RTN1: variants seen among roughly 807,000 people sequenced by gnomAD.
The protein encoded by RTN1 is reticulon-1.
RTN1 carries 25 observed loss-of-function variants against 65.5 expected under a neutral mutation model. The observed-to-expected ratio is 0.38, with a 90% CI of 0.28 to 0.53. RTN1 has a LOEUF of 0.53. RTN1 is among the 20% of genes least tolerant of loss of function. RTN1 has a pLI of 0.79. For missense variants in RTN1, 983 were observed against 1,025.4 expected (o/e 0.96, Z 0.57); for synonymous variants, 471 against 447.6 (o/e 1.05, Z -0.66).
intron 1 of RTN1, among the ~76,000 whole-genome samples, chr14:59,798,280 A>T (rs1294740971): frequency 6.6e-6 from 1 of 152,186 alleles, no homozygotes; most frequent in Admixed American, 6.5e-5. Flanking sequence ...CTCACCACTG[A>T]CTAATTGCAT....
At chr14:59,776,229 A>G (rs574052149) in intron 1 of RTN1, among the ~76,000 whole-genome samples, 1 of 152,118 alleles carries the variant, frequency 6.6e-6, no homozygotes, top group Non-Finnish European at 1.5e-5. Context: ...TGAAGTCCCA[A>G]TGCATCAATG....
At chr14:59,750,701 A>T (rs1464954867) in intron 1 of RTN1, among the ~76,000 whole-genome samples, 1 of 61,120 alleles carries the variant, frequency 1.6e-5, no homozygotes, top group African/African-American at 5.7e-5. Context: ...TATATATATT[A>T]TATCTATATG....
intron 3 of RTN1, among the ~76,000 whole-genome samples, chr14:59,698,649 C>T (rs1475702944): frequency 6.6e-6 from 1 of 152,162 alleles, no homozygotes; most frequent in Non-Finnish European, 1.5e-5. Context: ...CTCTTCCTTG[C>T]ATTCTGCCAT....
chr14:59,686,314 A>C (rs887767393), intron 3 of RTN1, among the ~76,000 whole-genome samples: 1 of 152,228 alleles, frequency 6.6e-6, no homozygotes, highest in African/African-American at 2.4e-5. Context: ...CAAAAACAAA[A>C]AAATGAAATG....
At chr14:59,693,446 C>G (rs180956655) in intron 3 of RTN1, among the ~76,000 whole-genome samples, 1 of 151,956 alleles carries the variant, frequency 6.6e-6, no homozygotes, top group Non-Finnish European at 1.5e-5. Flanking sequence ...TTTTGGTGCA[C>G]CCATCACCCA....
chr14:59,863,447 T>C (rs1887744967), intron 1 of RTN1, among the ~76,000 whole-genome samples: 2 of 152,204 alleles, frequency 1.3e-5, no homozygotes, highest in Admixed American at 1.3e-4. Flanking sequence ...CAAGCAGCAT[T>C]TGACGGAATC....
Position 59,636,238 on chromosome 14 carries a change from T to C in RTN1, c.1766-28746A>G, listed in dbSNP as rs74057879. 1.4e-3 allele frequency among the ~76,000 whole-genome samples: 207 copies of C among 152,302 alleles called. 1 individual carries two copies. Among genetic ancestry groups the C allele is most frequent in the African/African-American group, 4.4e-3 (182 of 41,568 alleles). On this transcript the variant is annotated intron_variant, in intron 3 of 8. Coordinates refer to ENST00000267484, the MANE Select transcript of RTN1 (RefSeq NM_021136.3). ...GGAGGTGGGGCCTGGTGGGAGGTGA[T>C]TGGATCATGGAGGTGGATCCCTCAT... is the stretch of plus-strand genomic sequence containing the variant.
At chr14:59,608,926 T>G (rs10136884) in intron 3 of RTN1, among the ~76,000 whole-genome samples, 34,034 of 151,914 alleles carry the variant, frequency 0.22, 4,667 homozygotes, top group African/African-American at 0.39. Flanking sequence ...AAAAAAAAAG[T>G]ACTGTGCTCT....
chr14:59,733,089 T>TTTC (rs1884934448), intron 2 of RTN1, among the ~76,000 whole-genome samples: 5 of 150,786 alleles, frequency 3.3e-5, no homozygotes, highest in Admixed American at 3.3e-4. Flanking sequence ...CTTTTTTTTT[T>TTTC]TTTCTTTCTT....
chr14:59,674,730 A>G (rs1290618992), intron 3 of RTN1, among the ~76,000 whole-genome samples: 1 of 152,190 alleles, frequency 6.6e-6, no homozygotes, highest in Non-Finnish European at 1.5e-5. Flanking sequence ...GAAAGAAAAA[A>G]CCTGGACATT....
chr14:59,657,864 C>A (rs7143836), intron 3 of RTN1, among the ~76,000 whole-genome samples: 3 of 151,962 alleles, frequency 2.0e-5, no homozygotes, highest in South Asian at 4.1e-4. Context: ...TTTTCATACC[C>A]CAGTGGCACA....
intron 1 of RTN1, among the ~76,000 whole-genome samples, chr14:59,763,125 T>G (rs760582391): frequency 9.2e-5 from 14 of 152,326 alleles, no homozygotes; most frequent in Middle Eastern, 3.4e-3. Context: ...CACTTTGATT[T>G]AACTAACTCT....
intron 3 of RTN1, among the ~76,000 whole-genome samples, chr14:59,628,983 C>T (rs1323133951): frequency 6.6e-6 from 1 of 152,126 alleles, no homozygotes; most frequent in Non-Finnish European, 1.5e-5. Context: ...TTATACCAAG[C>T]CATAGTTGTT....
At chr14:59,646,826 A>T (rs1239162835) in intron 3 of RTN1, 1 of 152,308 alleles carries the variant, frequency 6.6e-6, no homozygotes, top group Admixed American at 6.6e-5. Context: ...CCAGCCAATT[A>T]AAAAAAAACA....
chr14:59,844,456 C>T (rs1319526484), intron 1 of RTN1, among the ~76,000 whole-genome samples: 1 of 152,178 alleles, frequency 6.6e-6, no homozygotes, highest in African/African-American at 2.4e-5. Context: ...TACATGTAAG[C>T]CAACACAGAA....
chr14:59,861,977 G>A (rs1189794276), intron 1 of RTN1, among the ~76,000 whole-genome samples: 1 of 152,048 alleles, frequency 6.6e-6, no homozygotes, highest in South Asian at 2.1e-4. Context: ...GAATCTAGGG[G>A]AGCTATTACC....
At chr14:59,645,487 C>G (rs545054534) in intron 3 of RTN1, among the ~76,000 whole-genome samples, 1 of 152,186 alleles carries the variant, frequency 6.6e-6, no homozygotes, top group African/African-American at 2.4e-5. Flanking sequence ...TATCTCCTCA[C>G]TGGGCAGGTT....
chr14:59,707,457 A>C (rs1000720653), intron 3 of RTN1, among the ~76,000 whole-genome samples: 2 of 152,174 alleles, frequency 1.3e-5, no homozygotes, highest in African/African-American at 4.8e-5. Flanking sequence ...GTATACTATT[A>C]GTCTCTTCCA....
chr14:59,797,030 T>G (rs1886452929), intron 1 of RTN1, among the ~76,000 whole-genome samples: 1 of 152,196 alleles, frequency 6.6e-6, no homozygotes, highest in East Asian at 1.9e-4. Context: ...ATGAATAACT[T>G]AGTCAAATTC....
Sources: gnomAD v4.1 joint callset for allele counts (sites outside exome capture counted in the v4.1 genomes callset) on GRCh38, gnomAD v4.1.1 for gene constraint, MANE v1.5 for transcripts, NCBI Gene and HGNC (gene_info 2026-07-23, HGNC 2026-07-21) for gene names.